Variants in LCK observed in about 807,000 individuals in gnomAD.
LCK encodes tyrosine-protein kinase Lck.
LCK carries 14 observed loss-of-function variants against 64.6 expected under a neutral mutation model. The observed-to-expected ratio is 0.22, with a 90% CI of 0.14 to 0.34. The LOEUF (loss-of-function observed/expected upper bound fraction) is 0.34, where lower values mean the gene tolerates loss of function less well. Ranked by LOEUF, LCK falls within the 10% of genes least tolerant of loss-of-function variation. LCK has a pLI of 1.00. For synonymous variants in LCK, 277 were observed against 263.6 expected (o/e 1.05, Z -0.49); for missense variants, 434 against 668.1 (o/e 0.65, Z 3.86).
chr1:32,252,584 A>G (rs1639533699), intron 1 of LCK, among the ~76,000 whole-genome samples: 1 of 152,074 alleles, frequency 6.6e-6, no homozygotes, highest in Non-Finnish European at 1.5e-5. Flanking sequence ...CTCGCACTTC[A>G]GGGAGGGTCA....
chr1:32,275,147 A>T lies in LCK; in HGVS notation c.278+64A>T. On this transcript the variant is annotated intron_variant, in intron 4 of 12. Coordinates refer to ENST00000336890, the MANE Select transcript of LCK (RefSeq NM_005356.5). This position sits in a 1 kb window ranked among gnomAD's most constrained non-coding sequence, Gnocchi z 6.9. ...GGGAGCGGCGATCTCCGCGACCCGC[A>T]GCCCTCCTGCGGCCCTTGACCAGCT... The T allele has an allele frequency of 6.6e-7, 1 of 1,523,054 alleles. No individual in the cohort carries two copies. The highest frequency in any genetic ancestry group is 9.0e-7 in the Non-Finnish European group (1 of 1,108,284). 94.3% of individuals were successfully genotyped at this position (1,523,054 alleles called of 1,614,324 possible).
At chr1:32,278,768 T>A (rs543639404) in intron 9 of LCK, among the ~76,000 whole-genome samples, 1 of 152,338 alleles carries the variant, frequency 6.6e-6, no homozygotes, top group East Asian at 1.9e-4. Context: ...TGGCAGTATA[T>A]CTATGTCTAT....
chr1:32,282,198 A>T (rs1303470464), intron 12 of LCK, among the ~76,000 whole-genome samples: 1 of 152,234 alleles, frequency 6.6e-6, no homozygotes, highest in East Asian at 1.9e-4. Context: ...TTCTCCAGTT[A>T]TCCTGCCAGG....
chr1:32,264,349 G>A (rs1441096657), intron 1 of LCK, among the ~76,000 whole-genome samples: 1 of 152,038 alleles, frequency 6.6e-6, no homozygotes, highest in East Asian at 1.9e-4. Flanking sequence ...GTGAAAAGTA[G>A]AGGAGAGGAT....
At chr1:32,278,897 G>T (rs1325487172) in intron 9 of LCK, among the ~76,000 whole-genome samples, 1 of 152,262 alleles carries the variant, frequency 6.6e-6, no homozygotes, top group South Asian at 2.1e-4. Context: ...AAGGGCCATT[G>T]GTCACTCACT....
intron 1 of LCK, among the ~76,000 whole-genome samples, chr1:32,270,357 G>A (rs1265112232): frequency 1.3e-5 from 2 of 151,056 alleles, no homozygotes; most frequent in Non-Finnish European, 2.9e-5. Context: ...ACCCACCTTG[G>A]CCTCCCAAAG....
At chr1:32,279,645 C>T in intron 9 of LCK, 26 bp from the exon 10 acceptor site, 1 of 1,613,856 alleles carries the variant, frequency 6.2e-7, no homozygotes, top group Non-Finnish European at 8.5e-7. Flanking sequence ...GCAACTTGGG[C>T]CAGCAACTCT....
chr1:32,280,834 T>A (rs1020616530), intron 12 of LCK, among the ~76,000 whole-genome samples: 8 of 152,330 alleles, frequency 5.3e-5, no homozygotes, highest in Non-Finnish European at 1.0e-4. Context: ...GCCTACCTTT[T>A]ATCAGCAGAT....
chr1:32,275,963 G>T lies in LCK; in HGVS notation c.531G>T (p.Val177=). Residue 177 remains valine (V), a synonymous_variant, in exon 7 of 13, where the codon GTG becomes GTT. Coordinates refer to ENST00000336890, the MANE Select transcript of LCK (RefSeq NM_005356.5). This position sits in a 1 kb window ranked among gnomAD's most constrained non-coding sequence, Gnocchi z 6.9. ...VRDFDQNQGE[V]VKHYKIRNLD... Reference sequence around the variant, plus strand: ...ACTTCGACCAGAACCAGGGAGAGGTGGTGAAACATTACAAGATCCGTAATC... The same window carrying T: ...ACTTCGACCAGAACCAGGGAGAGGTTGTGAAACATTACAAGATCCGTAATC... 1 of 1,614,134 alleles carries T rather than the reference G, an allele frequency of 6.2e-7. No homozygotes were observed.
chr1:32,266,439 A>G lies in LCK; in HGVS notation c.-5-7886A>G, dbSNP rs1247511224. On this transcript the variant is annotated intron_variant, in intron 1 of 12. Transcript: ENST00000336890. The stretch of plus-strand genomic sequence containing the variant: ...CGTGAACCCAGGAGGCAGAGCTTGC[A>G]GTGAATGAGTCGTGATCACGCCACT... 3.4e-5 allele frequency among the ~76,000 whole-genome samples: 5 copies of G among 145,214 alleles called. No homozygotes were observed. In the Admixed American group the frequency reaches 3.5e-4, roughly 10 times the overall value.
chr1:32,275,748 A>C lies in LCK; in HGVS notation c.481+76A>C. 2.9e-6 allele frequency: 4 copies of C among 1,375,856 alleles called. No homozygotes were observed. The highest frequency in any genetic ancestry group is 2.5e-5 in the East Asian group (1 of 39,648). The allele number at this position is 1,375,856 out of a possible 1,614,324, so 85.2% of individuals were successfully genotyped here. ...CGAGGGGGGGCGCAGGGTGAGCCCG[A>C]GGTGGAGACACGGGGTGAGTCGGAG... On this transcript the variant is annotated intron_variant, in intron 6 of 12. Coordinates refer to ENST00000336890, the MANE Select transcript of LCK (RefSeq NM_005356.5). The surrounding 1 kb of genome is among the most constrained non-coding windows in gnomAD (Gnocchi z 6.9).
rs1190435806 is a variant in LCK at position 32,275,544 on chromosome 1, C to T, written c.378-25C>T. 1 of 1,557,958 alleles carries T rather than the reference C, an allele frequency of 6.4e-7. No individual in the cohort carries two copies. Among genetic ancestry groups the T allele is most frequent in the Non-Finnish European group, 8.7e-7 (1 of 1,148,530 alleles). ...GGAAGATCCGACGACAGCCGACGGC[C>T]TTCGTTCGCTTCCGCCCTGCACAGC... On this transcript the variant is annotated intron_variant, in intron 5 of 12. Transcript: ENST00000336890. The surrounding 1 kb of genome is among the most constrained non-coding windows in gnomAD (Gnocchi z 6.9).
intron 1 of LCK, among the ~76,000 whole-genome samples, chr1:32,263,461 G>T (rs1371593426): frequency 4.0e-5 from 6 of 151,562 alleles, no homozygotes; most frequent in Admixed American, 3.9e-4. Context: ...ATTAGACTGG[G>T]CATGGTGGCC....
intron 1 of LCK, among the ~76,000 whole-genome samples, chr1:32,252,703 G>A (rs1370243396): frequency 6.6e-6 from 1 of 152,232 alleles, no homozygotes; most frequent in Non-Finnish European, 1.5e-5. Flanking sequence ...TCTTCTCAAA[G>A]AGAGAAGGGC....
At chr1:32,257,246 T>G (rs184766493) in intron 1 of LCK, among the ~76,000 whole-genome samples, 446 of 151,198 alleles carry the variant, frequency 2.9e-3, no homozygotes, top group African/African-American at 0.01. Flanking sequence ...TTTTTTTTTT[T>G]TTTGTTTTTT....
chr1:32,274,320 C>T lies in LCK; in HGVS notation c.-5-5C>T. Reference sequence around the variant, plus strand: ...CCCCTTCAGCCCCCTCTTCCATTCCCTCAGGGACCATGGGCTGTGGCTGCA... The same window carrying T: ...CCCCTTCAGCCCCCTCTTCCATTCCTTCAGGGACCATGGGCTGTGGCTGCA... On this transcript the variant is annotated splice_region_variant and splice_polypyrimidine_tract_variant and intron_variant, in intron 1 of 12. Coordinates refer to ENST00000336890, the MANE Select transcript of LCK (RefSeq NM_005356.5). 6.2e-7 allele frequency: 1 copy of T among 1,614,108 alleles called. No individual in the cohort carries two copies.
At position 32,279,688 on chromosome 1, in the gene LCK, C is replaced by G; in HGVS notation, c.982C>G (p.Leu328Val). The G allele has an allele frequency of 1.2e-6, 2 of 1,614,024 alleles. No homozygotes were observed. The highest frequency in any genetic ancestry group is 1.7e-6 in the Non-Finnish European group (2 of 1,179,910). Residue 328 changes from leucine to valine, a missense_variant, in exon 10 of 13, where the codon CTC (leucine) becomes GTC (valine). By Grantham distance (32) the Leu-to-Val change is conservative. Around this residue, in one of 2 missense-constraint regions of LCK, gnomAD observed 201 missense variants for 376.9 expected, o/e 0.53. Transcript: ENST00000336890. ...GCCCACAGGGAGTCTAGTGGATTTT[C>G]TCAAGACCCCTTCAGGCATCAAGTT... Reference protein sequence around the residue: ...YMENGSLVDFLKTPSGIKLTI... With the variant: ...YMENGSLVDFVKTPSGIKLTI...
In LCK at chr1:32,274,115, G is replaced by A. The variant is rs1446090473; in HGVS notation, c.-5-210G>A. On this transcript the variant is annotated intron_variant, in intron 1 of 12. Transcript: ENST00000336890. ...GGGCTAGGGCTCAGGGGCCGTGTGT[G>A]AATTTACTTGTAGCCTGAGGGCTCA... is the stretch of plus-strand genomic sequence containing the variant. 3 of 1,090,936 alleles carry A rather than the reference G, an allele frequency of 2.7e-6. No individual in the cohort carries two copies. In the African/African-American group the frequency reaches 4.8e-5, roughly 17 times the overall value. The allele number at this position is 1,090,936 out of a possible 1,614,324, so 67.6% of individuals were successfully genotyped here.
intron 12 of LCK, 77 bp from the exon 13 acceptor site, chr1:32,285,437 T>C: frequency 8.4e-6 from 11 of 1,307,868 alleles, no homozygotes; most frequent in Non-Finnish European, 1.2e-5. Flanking sequence ...CTGTGCCAGT[T>C]AAATATTCCG....
Sources: gnomAD v4.1 joint callset for allele counts (sites outside exome capture counted in the v4.1 genomes callset) on GRCh38, gnomAD v4.1.1 for gene constraint, gnomAD v4.1.1 regional missense constraint, Gnocchi (gnomAD v3.1) non-coding constraint, MANE v1.5 for transcripts, NCBI Gene and HGNC (gene_info 2026-07-23, HGNC 2026-07-21) for gene names.